SSPN: variants seen among roughly 807,000 people sequenced by gnomAD.
SSPN encodes the protein K-ras oncogene-associated protein.
In SSPN, 15 loss-of-function variants were observed where a neutral mutation model predicts 19.1. The ratio of observed to expected loss-of-function variants is 0.78; its 90% CI spans 0.52 to 1.21. SSPN has a LOEUF of 1.21. Ranked by LOEUF, SSPN falls within the 50% of genes most tolerant of loss-of-function variation. The pLI, the probability that SSPN is intolerant of heterozygous loss-of-function variation, is 0.00. For missense variants in SSPN, 291 were observed against 314.0 expected (o/e 0.93, Z 0.55); for synonymous variants, 147 against 140.3 (o/e 1.05, Z -0.34).
intron 1 of SSPN, among the ~76,000 whole-genome samples, chr12:26,202,223 GT>G (rs1944892697): frequency 6.6e-6 from 1 of 152,052 alleles, no homozygotes; most frequent in Admixed American, 6.5e-5. Context: ...TTATCCAAAT[GT>G]TTTTGATCCG....
chr12:26,125,581 C>T (rs2137391805), intron 1 of SSPN: 1 of 152,806 alleles, frequency 6.5e-6, no homozygotes, highest in Admixed American at 6.5e-5. Flanking sequence ...GCAATCCGCT[C>T]CTTGAAGGAT....
chr12:26,200,622 A>C, intron 1 of SSPN, among the ~76,000 whole-genome samples: 1 of 152,334 alleles, frequency 6.6e-6, no homozygotes, highest in South Asian at 2.1e-4. Flanking sequence ...AAGGTTTGGC[A>C]TTAGGGTATA....
chr12:26,161,927 C>T (rs1944591659), intron 1 of SSPN, among the ~76,000 whole-genome samples: 1 of 152,242 alleles, frequency 6.6e-6, no homozygotes, highest in African/African-American at 2.4e-5. Flanking sequence ...CAGCCGCTCA[C>T]CCCATGCTGT....
At chr12:26,195,534 G>T, upstream of SSPN, 1 of 1,259,940 alleles carries the variant, frequency 7.9e-7, no homozygotes, top group Non-Finnish European at 1.0e-6. Flanking sequence ...GAGGCTCGGT[G>T]AGTCGGCTCC....
At chr12:26,122,112 C>A in exon 1 of SSPN, 8 of 1,549,568 alleles carry the variant, frequency 5.2e-6, no homozygotes, top group Non-Finnish European at 7.0e-6. Flanking sequence ...CTGAGCAGAG[C>A]TCTCCGGGTT....
chr12:26,168,172 C>T (rs2137430365), intron 1 of SSPN, among the ~76,000 whole-genome samples: 1 of 149,406 alleles, frequency 6.7e-6, no homozygotes, highest in Non-Finnish European at 1.5e-5. Flanking sequence ...GTGATCACAC[C>T]ACTGCACCCC....
intron 1 of SSPN, among the ~76,000 whole-genome samples, chr12:26,138,260 T>C (rs1470012603): frequency 1.3e-5 from 2 of 152,242 alleles, no homozygotes; most frequent in Non-Finnish European, 2.9e-5. Context: ...TCTGTGGATG[T>C]AGAACCTGTG....
At chr12:26,192,776 A>T (rs1410003335), upstream of SSPN, among the ~76,000 whole-genome samples, 1 of 152,182 alleles carries the variant, frequency 6.6e-6, no homozygotes, top group Non-Finnish European at 1.5e-5. Context: ...CATTGCTTTC[A>T]TTTGTAATGT....
intron 1 of SSPN, among the ~76,000 whole-genome samples, chr12:26,171,879 A>C (rs925825184): frequency 6.6e-6 from 1 of 152,198 alleles, no homozygotes; most frequent in Non-Finnish European, 1.5e-5. Flanking sequence ...TGGAATTGGC[A>C]TCAGAAGCCA....
chr12:26,123,203 G>A (rs1944330597), intron 1 of SSPN: 2 of 1,545,304 alleles, frequency 1.3e-6, no homozygotes, highest in African/African-American at 1.4e-5. Flanking sequence ...GGGGGACGGA[G>A]GAGTGGAGGC....
chr12:26,225,745 TAAAAA>T (rs35244146), intron 2 of SSPN, among the ~76,000 whole-genome samples: 33 of 121,846 alleles, frequency 2.7e-4, no homozygotes, highest in African/African-American at 3.2e-4. Context: ...GCTTGGTGAT[TAAAAA>T]AAAAAAAAAA....
At position 26,137,636 on chromosome 12, in the gene SSPN, G is replaced by GTATGTGTA. The variant is rs1555175654; in HGVS notation, c.-31+15487_-31+15488insGTGTATAT. 2.1e-3 allele frequency among the ~76,000 whole-genome samples: 66 copies of GTATGTGTA among 31,386 alleles called. 1 individual carries two copies. The highest frequency in any genetic ancestry group is 0.012 in the South Asian group (5 of 434). 20.6% of individuals were successfully genotyped at this position (31,386 alleles called of 152,430 possible). ...CATATATATGTGTGTGTGTGTGTAT[G>GTATGTGTA]TATATATATATATATATATATTTTT... On this transcript the variant is annotated intron_variant, in intron 1 of 2. Transcript: ENST00000538142.
intron 1 of SSPN, among the ~76,000 whole-genome samples, chr12:26,152,573 A>T (rs1944532087): frequency 6.6e-6 from 1 of 152,160 alleles, no homozygotes; most frequent in South Asian, 2.1e-4. Flanking sequence ...ACAGCCAATC[A>T]TGCAGACTCT....
At chr12:26,210,508 C>G (rs1357312934) in intron 1 of SSPN, among the ~76,000 whole-genome samples, 1 of 152,108 alleles carries the variant, frequency 6.6e-6, no homozygotes, top group East Asian at 1.9e-4. Context: ...TTCTCTCTCT[C>G]TGTGTCTCTC....
chr12:26,184,809 T>G (rs1944741932), intron 1 of SSPN, among the ~76,000 whole-genome samples: 1 of 152,016 alleles, frequency 6.6e-6, no homozygotes, highest in Admixed American at 6.6e-5. Context: ...TTTTCAAAAC[T>G]AAGGGGTTTT....
At chr12:26,123,426 C>T (rs1224538108) in intron 1 of SSPN, among the ~76,000 whole-genome samples, 2 of 152,182 alleles carry the variant, frequency 1.3e-5, no homozygotes, top group African/African-American at 2.4e-5. Context: ...AATCCTGATT[C>T]CTCCGAGTTC....
chr12:26,225,587 T>G lies in SSPN; in HGVS notation c.366+1208T>G, dbSNP rs553114740. Among the ~76,000 whole-genome samples the G allele has an allele frequency of 2.0e-5, 3 of 152,280 alleles. No individual in the cohort carries two copies. The South Asian group carries it at 6.2e-4, about 32-fold the overall frequency. On this transcript the variant is annotated intron_variant, in intron 2 of 2. Transcript: ENST00000242729. ...AAACAGTTAATAGATACTACTTTTT[T>G]AAATGATGAAGTTAGAATTTTGGTG...
intron 1 of SSPN, among the ~76,000 whole-genome samples, chr12:26,198,711 C>A (rs1944852261): frequency 6.6e-6 from 1 of 152,160 alleles, no homozygotes; most frequent in South Asian, 2.1e-4. Context: ...CTGTTCTCAG[C>A]CAAGTTACTC....
rs1376573056 is a variant in SSPN, at chr12:26,233,144, C to T, written c.*2068C>T. On this transcript the variant is annotated 3_prime_UTR_variant, in exon 3 of 3. Transcript: ENST00000242729. This position sits in a 1 kb window ranked among gnomAD's most constrained non-coding sequence, Gnocchi z 4.3. ...TTTAACAACAACATTTTATAGTGAA[C>T]ACTACAAGTTTTTATATTTAAAAAT... 8 of 151,974 alleles carry T rather than the reference C, an allele frequency of 5.3e-5. No individual in the cohort carries two copies. Among genetic ancestry groups the T allele is most frequent in the Admixed American group, 5.2e-4 (8 of 15,256 alleles). 9.4% of individuals were successfully genotyped at this position (151,974 alleles called of 1,614,324 possible). A position where few individuals can be genotyped will look rare whatever the true frequency, so the allele number is the denominator to read the frequency against.
Sources: allele counts gnomAD v4.1 joint callset (sites outside exome capture counted in the v4.1 genomes callset), GRCh38; gene constraint gnomAD v4.1.1; non-coding constraint Gnocchi (gnomAD v3.1); transcripts MANE v1.5; gene names NCBI Gene and HGNC (gene_info 2026-07-23, HGNC 2026-07-21).